Variants in CCDC73 observed in about 807,000 individuals in gnomAD.
CCDC73 encodes coiled-coil domain containing 73.
Under a neutral mutation model 116.5 loss-of-function variants are expected in CCDC73, and 95 were observed. The observed-to-expected ratio is 0.82, with a 90% CI of 0.69 to 0.97. The LOEUF is 0.97. Ranked by LOEUF, CCDC73 falls within the 50% of genes least tolerant of loss-of-function variation. CCDC73 has a pLI of 0.00. For synonymous variants in CCDC73, 398 were observed against 401.3 expected, an observed-to-expected ratio of 0.99 and a Z score of 0.10; for missense variants, 1,066 against 1,206.8, an observed-to-expected ratio of 0.88 and a Z score of 1.73.
At position 32,642,009 on chromosome 11, in the gene CCDC73, T is replaced by C. The variant is rs1855737335; in HGVS notation, c.1013A>G (p.Asn338Ser). 2 of 1,565,566 alleles carry C rather than the reference T, an allele frequency of 1.3e-6. No homozygotes were observed. Among genetic ancestry groups the C allele is most frequent in the Non-Finnish European group, 1.7e-6 (2 of 1,154,350 alleles). ...AGTTCCTAGTGCTTTTTCATGCTCA[T>C]TTTGAAGATTAAGAAACTTTTCTTC... ...ENEEKFLNLQ[N>S]EHEKALGTWK... is the part of the protein sequence containing the mutation. Residue 338 changes from asparagine (N) to serine (S), a missense_variant, in exon 13 of 18, where the codon AAT becomes AGT. Coordinates refer to ENST00000335185, the MANE Select transcript of CCDC73 (RefSeq NM_001008391.4).
intron 2 of CCDC73, among the ~76,000 whole-genome samples, chr11:32,754,532 A>G (rs1699560537): frequency 1.3e-5 from 2 of 152,198 alleles, no homozygotes; most frequent in South Asian, 4.1e-4. Context: ...AGGCATCAAA[A>G]TGAATCTCTA....
chr11:32,788,181 A>C (rs955310554), intron 1 of CCDC73, among the ~76,000 whole-genome samples: 7 of 152,222 alleles, frequency 4.6e-5, no homozygotes, highest in African/African-American at 1.7e-4. Flanking sequence ...ACTGAATTGA[A>C]TAGATCACTC....
rs969463266 is a variant in CCDC73 at position 32,705,050 on chromosome 11, C to T, written c.208-2106G>A. Among the ~76,000 whole-genome samples the T allele has an allele frequency of 4.6e-5, 7 of 152,340 alleles. No homozygotes were observed. The South Asian group carries it at 6.2e-4, about 14-fold the overall frequency. On this transcript the variant is annotated intron_variant, in intron 3 of 17. Coordinates refer to ENST00000335185, the MANE Select transcript of CCDC73 (RefSeq NM_001008391.4). ...CTTTCCTGGTGGGCTTGCCAAGCTG[C>T]AGGTGGGAGCTAAAGGGGCTGTAAC...
chr11:32,623,538 A>C (rs1855541960), intron 14 of CCDC73, among the ~76,000 whole-genome samples: 1 of 152,036 alleles, frequency 6.6e-6, no homozygotes, highest in Non-Finnish European at 1.5e-5. Flanking sequence ...AATTTTGTAG[A>C]GACAAGGGTC....
In CCDC73 at chr11:32,614,121, T is replaced by A; in HGVS notation, c.2197A>T (p.Met733Leu). Residue 733 changes from methionine to leucine, a missense_variant, in exon 16 of 18, where the codon ATG becomes TTG. Physicochemically the swap from Met to Leu is conservative, Grantham distance 15 (BLOSUM62 2). Transcript: ENST00000335185. ...LKNSDKNVHS[M>L]SMLVKPNSSP... ...GAGTTAGGTTTCACCAACATAGACA[T>A]ACTATGGACATTTTTATCTGAGTTC... The A allele has an allele frequency of 6.2e-7, 1 of 1,613,638 alleles. No individual in the cohort carries two copies. The highest frequency in any genetic ancestry group is 8.5e-7 in the Non-Finnish European group (1 of 1,179,800).
chr11:32,685,718 CTTTTTTTTTTT>C (rs149696866), intron 6 of CCDC73, among the ~76,000 whole-genome samples: 1 of 90,700 alleles, frequency 1.1e-5, no homozygotes, highest in African/African-American at 4.4e-5. Context: ...CCTGACTTAG[CTTTTTTTTTTT>C]TTTTTTTTTT....
At chr11:32,643,539 G>A (rs1855751463) in intron 12 of CCDC73, among the ~76,000 whole-genome samples, 2 of 152,000 alleles carry the variant, frequency 1.3e-5, no homozygotes, top group Admixed American at 1.3e-4. Flanking sequence ...CTACAAACCT[G>A]TACAGCATCT....
chr11:32,720,570 A>G (rs950604724), intron 2 of CCDC73, among the ~76,000 whole-genome samples: 3 of 152,194 alleles, frequency 2.0e-5, no homozygotes, highest in Non-Finnish European at 4.4e-5. Context: ...AGGAAAAAAT[A>G]AAACTACCTC....
chr11:32,793,847 G>A (rs957858992), intron 1 of CCDC73, among the ~76,000 whole-genome samples: 2 of 152,018 alleles, frequency 1.3e-5, no homozygotes, highest in Non-Finnish European at 2.9e-5. Flanking sequence ...CTGACCTCAG[G>A]TGATCCGCCC....
intron 1 of CCDC73, among the ~76,000 whole-genome samples, chr11:32,765,043 C>G (rs1850428208): frequency 6.6e-6 from 1 of 152,166 alleles, no homozygotes; most frequent in Non-Finnish European, 1.5e-5. Context: ...GCAAAGGGAT[C>G]AATTCAACAA....
chr11:32,668,586 AC>A (rs1194152062), intron 9 of CCDC73, among the ~76,000 whole-genome samples: 1 of 152,210 alleles, frequency 6.6e-6, no homozygotes, highest in Non-Finnish European at 1.5e-5. Context: ...ACTCAAGCAT[AC>A]TATTGTTAAT....
At chr11:32,707,031 G>A (rs936108746) in intron 3 of CCDC73, among the ~76,000 whole-genome samples, 2 of 152,014 alleles carry the variant, frequency 1.3e-5, no homozygotes, top group African/African-American at 4.8e-5. Flanking sequence ...CACTTTGTGG[G>A]AAAAAAGTTT....
intron 4 of CCDC73, among the ~76,000 whole-genome samples, chr11:32,701,027 T>C (rs958410343): frequency 3.3e-5 from 5 of 151,984 alleles, no homozygotes; most frequent in Admixed American, 3.3e-4. Context: ...AATGAACTAT[T>C]TATTTATTTA....
intron 7 of CCDC73, among the ~76,000 whole-genome samples, chr11:32,678,286 AAAAAG>A (rs1856109777): frequency 6.6e-6 from 1 of 152,146 alleles, no homozygotes; most frequent in African/African-American, 2.4e-5. Flanking sequence ...CTCAAAATAA[AAAAAG>A]AAAAGAAAAA....
At chr11:32,820,404 C>T in the CCDC73 span, among the ~76,000 whole-genome samples, 1 of 152,160 alleles carries the variant, frequency 6.6e-6, no homozygotes, top group Non-Finnish European at 1.5e-5. Context: ...AATCCTCATG[C>T]CTCAGCCTCC....
intron 14 of CCDC73, among the ~76,000 whole-genome samples, chr11:32,628,836 A>G (rs1490821999): frequency 6.6e-6 from 1 of 152,218 alleles, no homozygotes; most frequent in Admixed American, 6.5e-5. Context: ...TTATAATGTA[A>G]TCAAAACAAA....
At chr11:32,820,158 G>A in the CCDC73 span, among the ~76,000 whole-genome samples, 1 of 152,188 alleles carries the variant, frequency 6.6e-6, no homozygotes, top group East Asian at 1.9e-4. Context: ...GAATGAACTG[G>A]AACTTTTTTT....
rs577311347 is a variant in CCDC73, at chr11:32,621,473, C to T, written c.1186-5344G>A. ...GCTGGGAAAACTGGCTGGCCATATG[C>T]AGAAAACTGAAACTGGACCCCTTCC... On this transcript the variant is annotated intron_variant, in intron 14 of 17. Coordinates refer to ENST00000335185, the MANE Select transcript of CCDC73 (RefSeq NM_001008391.4). Among the ~76,000 whole-genome samples, 43 of 152,214 alleles carry T rather than the reference C, an allele frequency of 2.8e-4. 1 individual carries two copies. In the South Asian group the frequency reaches 8.5e-3, roughly 30 times the overall value.
chr11:32,614,974 A>G, intron 15 of CCDC73, 32 bp from the exon 16 acceptor site: 1 of 1,312,176 alleles, frequency 7.6e-7, no homozygotes. Context: ...AAAATTTTAT[A>G]TTATACACTA....
Sources: allele counts gnomAD v4.1 joint callset (sites outside exome capture counted in the v4.1 genomes callset), GRCh38; gene constraint gnomAD v4.1.1; transcripts MANE v1.5; gene names NCBI Gene and HGNC (gene_info 2026-07-23, HGNC 2026-07-21).